CSPP1: variants seen among roughly 807,000 people sequenced by gnomAD.
CSPP1 encodes centrosome and spindle pole associated protein 1, also known as centrosome and spindle pole-associated protein 1.
CSPP1 carries 126 observed loss-of-function variants against 164.4 expected under a neutral mutation model. That is an observed-to-expected ratio of 0.77 (90% CI 0.66 to 0.89). The LOEUF is 0.89. Among genes scored for constraint, CSPP1 ranks in the 40% least tolerant of loss-of-function variants. The pLI, the probability that CSPP1 is intolerant of heterozygous loss-of-function variation, is 0.00. For missense variants in CSPP1, 1,395 were observed against 1,449.8 expected, an observed-to-expected ratio of 0.96 and a Z score of 0.61; for synonymous variants, 472 against 476.7, an observed-to-expected ratio of 0.99 and a Z score of 0.13.
intron 9 of CSPP1, among the ~76,000 whole-genome samples, chr8:67,107,235 A>T (rs1193483779): frequency 6.6e-6 from 1 of 151,720 alleles, no homozygotes; most frequent in Non-Finnish European, 1.5e-5. Flanking sequence ...TTTAGTTGAG[A>T]CGGGGTTTCA....
chr8:67,141,515 C>G (rs759219226), intron 17 of CSPP1, among the ~76,000 whole-genome samples: 1 of 152,056 alleles, frequency 6.6e-6, no homozygotes, highest in Non-Finnish European at 1.5e-5. Flanking sequence ...GTGGATGCTA[C>G]ATTTTATCTT....
intron 21 of CSPP1, among the ~76,000 whole-genome samples, chr8:67,160,741 C>A (rs1231365054): frequency 1.3e-5 from 2 of 151,170 alleles, no homozygotes; most frequent in African/African-American, 4.9e-5. Flanking sequence ...CTTTGTGTCA[C>A]CATATTTTTT....
At chr8:67,106,710 T>C (rs1309685873) in intron 9 of CSPP1, among the ~76,000 whole-genome samples, 1 of 152,186 alleles carries the variant, frequency 6.6e-6, no homozygotes, top group African/African-American at 2.4e-5. Flanking sequence ...AAATATGTAA[T>C]AGAAAAGAGG....
intron 25 of CSPP1, chr8:67,174,328 A>G (rs1238785504): frequency 6.6e-6 from 1 of 152,192 alleles, no homozygotes; most frequent in African/African-American, 2.4e-5. Flanking sequence ...AAAGCTTTAT[A>G]CATATTTAGG....
At position 67,137,561 on chromosome 8, in the gene CSPP1, G is replaced by C; in HGVS notation, c.1933G>C (p.Gly645Arg). ...AACATATAATCCCTGGGGAAAAGGT[G>C]GAGGTGGTGCTCCTCTCAGGGATGC... ...MRTYNPWGKGGGGAPLRDAKG... is the reference protein window; with the variant it reads ...MRTYNPWGKGRGGAPLRDAKG... Residue 645 changes from glycine (G) to arginine (R), a missense_variant, in exon 17 of 31, where the codon GGA becomes CGA. By Grantham distance (125) the Gly-to-Arg change is moderately radical. Coordinates refer to ENST00000678616, the MANE Select transcript of CSPP1 (RefSeq NM_001382391.1). 1 of 1,596,548 alleles carries C rather than the reference G, an allele frequency of 6.3e-7. No homozygotes were observed. The highest frequency in any genetic ancestry group is 8.5e-7 in the Non-Finnish European group (1 of 1,171,656).
chr8:67,168,639 T>G (rs1829939284), intron 24 of CSPP1, among the ~76,000 whole-genome samples: 1 of 152,246 alleles, frequency 6.6e-6, no homozygotes, highest in African/African-American at 2.4e-5. Context: ...ACATTTACTT[T>G]GGAATAATTT....
At position 67,093,553 on chromosome 8, in the gene CSPP1, A is replaced by T. The variant is rs1812068291; in HGVS notation, c.395A>T (p.Lys132Ile). 1.2e-6 allele frequency: 2 copies of T among 1,603,394 alleles called. No individual in the cohort carries two copies. Reference protein sequence around the residue: ...GERLSAKERLKLERNKEYNQF... With the variant: ...GERLSAKERLILERNKEYNQF... ...GATTTTTATTTTAAGGAAAGGTTGA[A>T]ACTTGAACGTAACAAAGAATACAAT... Residue 132 changes from lysine (K) to isoleucine (I), a missense_variant, in exon 6 of 31, where the codon AAA becomes ATA. Physicochemically the swap from Lys to Ile is moderately radical, Grantham distance 102 (BLOSUM62 -3). Coordinates refer to ENST00000678616, the MANE Select transcript of CSPP1 (RefSeq NM_001382391.1).
At chr8:67,104,969 T>A (rs1389467415) in intron 8 of CSPP1, among the ~76,000 whole-genome samples, 1,704 of 128,442 alleles carry the variant, frequency 0.013, 3 homozygotes, top group African/African-American at 0.02. Context: ...TATATATATT[T>A]TTTTTTTTTT....
chr8:67,072,869 CAA>C (rs58087584), intron 1 of CSPP1, among the ~76,000 whole-genome samples: 10 of 59,270 alleles, frequency 1.7e-4, no homozygotes, highest in Non-Finnish European at 2.4e-4. Flanking sequence ...GAGCCTGTCT[CAA>C]AAAAAAAAAA....
intron 28 of CSPP1, among the ~76,000 whole-genome samples, chr8:67,183,098 T>C (rs1833454150): frequency 6.6e-6 from 1 of 152,242 alleles, no homozygotes; most frequent in Non-Finnish European, 1.5e-5. Context: ...AAGAGTTTTA[T>C]CTATAGGTTT....
Position 67,152,570 on chromosome 8 carries a change from C to G in CSPP1, c.2129-1454C>G, listed in dbSNP as rs184707862. ...TTTATTCATTTCTAAAAGGACTTCT[C>G]TTGTCTGTCTCTAATAATATTTCTT... On this transcript the variant is annotated intron_variant, in intron 18 of 30. Coordinates refer to ENST00000678616, the MANE Select transcript of CSPP1 (RefSeq NM_001382391.1). 2.0e-3 allele frequency among the ~76,000 whole-genome samples: 299 copies of G among 152,286 alleles called. 3 individuals are homozygous for G. The highest frequency in any genetic ancestry group is 1.5e-4 in the Non-Finnish European group (10 of 68,014).
chr8:67,065,270 G>A (rs1446543318), intron 1 of CSPP1, among the ~76,000 whole-genome samples: 1 of 152,184 alleles, frequency 6.6e-6, no homozygotes, highest in Non-Finnish European at 1.5e-5. Context: ...AATCTTATGT[G>A]GGACTCAAAT....
chr8:67,129,296 G>A (rs949030302), intron 15 of CSPP1, among the ~76,000 whole-genome samples: 2 of 151,908 alleles, frequency 1.3e-5, no homozygotes, highest in African/African-American at 2.4e-5. Context: ...TTTCAGCAAG[G>A]CCAAAAATAA....
chr8:67,129,100 A>G (rs1820694086), intron 15 of CSPP1, among the ~76,000 whole-genome samples: 1 of 152,232 alleles, frequency 6.6e-6, no homozygotes, highest in Non-Finnish European at 1.5e-5. Context: ...GAAGAAAGCT[A>G]TATGATATCC....
At chr8:67,195,161 AT>A (rs1217818746) in intron 30 of CSPP1, among the ~76,000 whole-genome samples, 2 of 152,068 alleles carry the variant, frequency 1.3e-5, no homozygotes, top group African/African-American at 4.8e-5. Context: ...TCAGTTGATC[AT>A]TTTTTGTTTT....
chr8:67,159,060 AAAG>A lies in CSPP1; in HGVS notation c.2473_2475del (p.Glu825del), dbSNP rs750079297. On this transcript the variant is annotated inframe_deletion, in exon 21 of 31. Transcript: ENST00000678616. Reference sequence around the variant, plus strand: ...ACAAAAAGAAGCAGAAAGAAAGAAGAAAGAAGAAGAAGAAAAATATAACCTGCA... The same window carrying A: ...ACAAAAAGAAGCAGAAAGAAAGAAGAAAGAAGAAGAAAAATATAACCTGCA... 78 of 1,612,520 alleles carry A rather than the reference AAAG, an allele frequency of 4.8e-5. No individual in the cohort carries two copies. The highest frequency in any genetic ancestry group is 2.9e-4 in the African/African-American group (22 of 74,808).
intron 27 of CSPP1, 33 bp from the exon 28 acceptor site, chr8:67,179,830 A>G (rs1202577343): frequency 6.8e-7 from 1 of 1,472,812 alleles, no homozygotes; most frequent in South Asian, 1.2e-5. Context: ...CACAAAACTA[A>G]TAAAAATAGT....
chr8:67,112,197 A>G (rs1816992232), intron 10 of CSPP1, 132 bp downstream of exon 10: 1 of 504,632 alleles, frequency 2.0e-6, no homozygotes, highest in Admixed American at 3.9e-5. Flanking sequence ...TTTCATCTCT[A>G]CATGCTAAAT....
chr8:67,086,724 G>A, intron 4 of CSPP1: 1 of 513,086 alleles, frequency 1.9e-6, no homozygotes. Context: ...CTTTATGTTT[G>A]TTCCAAGTGT....
Sources: gnomAD v4.1 joint callset for allele counts (sites outside exome capture counted in the v4.1 genomes callset) on GRCh38, gnomAD v4.1.1 for gene constraint, MANE v1.5 for transcripts, NCBI Gene and HGNC (gene_info 2026-07-23, HGNC 2026-07-21) for gene names.